Variants in SPPL2B observed in about 807,000 individuals in gnomAD.
SPPL2B encodes signal peptide peptidase-like 2B.
Under a neutral mutation model 59.7 loss-of-function variants are expected in SPPL2B, and 39 were observed. The observed-to-expected ratio is 0.65, with a 90% CI of 0.51 to 0.85. The LOEUF is 0.85. Ranked by LOEUF, SPPL2B falls within the 40% of genes least tolerant of loss-of-function variation. The pLI is 0.00. For synonymous variants in SPPL2B, 419 were observed against 370.8 expected (o/e 1.13, Z -1.49); for missense variants, 865 against 849.0 (o/e 1.02, Z -0.23).
At chr19:2,331,094 C>T (rs1443412717) in intron 1 of SPPL2B, among the ~76,000 whole-genome samples, 3 of 152,176 alleles carry the variant, frequency 2.0e-5, no homozygotes, top group Admixed American at 2.0e-4. Flanking sequence ...GTCGACCTCC[C>T]CAGTGAGACA....
intron 6 of SPPL2B, 25 bp from the exon 7 acceptor site, chr19:2,340,051 C>T (rs1609753): frequency 0.24 from 373,547 of 1,575,462 alleles, 50,791 homozygotes; most frequent in East Asian, 0.64. Flanking sequence ...GCCTGGCCCC[C>T]GGCCTCACGG....
In SPPL2B at chr19:2,352,805, C is replaced by G. The variant is rs1263738372; in HGVS notation, c.1516-141C>G. On this transcript the variant is annotated intron_variant, in intron 14 of 14. Transcript: ENST00000613503. ...CCGTAGGTTATGGAGCCGGCCCCCT[C>G]CTTGGGTCCAGAGCCCCTGGGGATG... The G allele has an allele frequency of 1.6e-5, 15 of 929,336 alleles. No homozygotes were observed. The African/African-American group carries it at 2.5e-4, about 16-fold the overall frequency. The allele number at this position is 929,336 out of a possible 1,614,324, so 57.6% of individuals were successfully genotyped here.
intron 11 of SPPL2B, 58 bp downstream of exon 11, chr19:2,344,482 G>A (rs1244482902): frequency 4.5e-6 from 7 of 1,568,378 alleles, no homozygotes; most frequent in African/African-American, 4.1e-5. Flanking sequence ...TGCGCGGAGC[G>A]GATAGGGCTC....
chr19:2,338,938 C>A, intron 4 of SPPL2B, 97 bp downstream of exon 4: 1 of 1,502,050 alleles, frequency 6.7e-7, no homozygotes, highest in South Asian at 1.2e-5. Context: ...TTGGTGGGAT[C>A]AGGGTGGTGG....
At chr19:2,347,252 T>C (rs1317238078) in intron 13 of SPPL2B, among the ~76,000 whole-genome samples, 1 of 112,836 alleles carries the variant, frequency 8.9e-6, no homozygotes, top group Non-Finnish European at 1.8e-5. Context: ...CTTGATGCCG[T>C]TCTCTCTCCA....
At chr19:2,335,752 C>T (rs1968563534) in intron 2 of SPPL2B, among the ~76,000 whole-genome samples, 1 of 151,814 alleles carries the variant, frequency 6.6e-6, no homozygotes, top group South Asian at 2.1e-4. Flanking sequence ...CCCACTGAGT[C>T]CCTCAGGCCC....
intron 13 of SPPL2B, among the ~76,000 whole-genome samples, chr19:2,348,799 T>C (rs1353569299): frequency 9.8e-6 from 1 of 102,430 alleles, no homozygotes; most frequent in African/African-American, 3.9e-5. Context: ...GTTCTCTCCC[T>C]CCACACACAC....
At chr19:2,347,710 T>C (rs796201169) in intron 13 of SPPL2B, among the ~76,000 whole-genome samples, 3 of 3,934 alleles carry the variant, frequency 7.6e-4, no homozygotes, top group African/African-American at 2.0e-3. Context: ...TCCGTTCTCC[T>C]TCTCTCCACA....
intron 8 of SPPL2B, chr19:2,341,339 G>C: frequency 5.5e-6 from 3 of 543,586 alleles, no homozygotes; most frequent in Non-Finnish European, 1.1e-5. Flanking sequence ...GTCCCCCGCT[G>C]TCCCTTTCCT....
rs759431894 is a variant in SPPL2B at position 2,344,007 on chromosome 19, T to A, written c.1081T>A (p.Phe361Ile). The A allele has an allele frequency of 3.8e-5, 59 of 1,548,198 alleles. No homozygotes were observed. Among genetic ancestry groups the A allele is most frequent in the Middle Eastern group, 2.3e-4 (1 of 4,392 alleles). ...LLLVLFLYDI[F>I]FVFITPFLTK... ...GCTGGTGCTGTTCCTCTACGACATCTTCTTCGTGTTCATCACGCCCTTCCT... is the reference window on the plus strand; with the variant it reads ...GCTGGTGCTGTTCCTCTACGACATCATCTTCGTGTTCATCACGCCCTTCCT... Residue 361 changes from phenylalanine to isoleucine, a missense_variant, in exon 10 of 15, where the codon TTC becomes ATC. By Grantham distance (21) the Phe-to-Ile change is conservative. Transcript: ENST00000613503.
At chr19:2,337,231 C>T in intron 2 of SPPL2B, 2 of 487,276 alleles carry the variant, frequency 4.1e-6, no homozygotes, top group South Asian at 3.2e-5. Flanking sequence ...GGACTCCGGC[C>T]CCGCTCAGAT....
chr19:2,334,152 G>T (rs1003334470), intron 1 of SPPL2B, among the ~76,000 whole-genome samples: 1 of 152,212 alleles, frequency 6.6e-6, no homozygotes, highest in Admixed American at 6.5e-5. Flanking sequence ...CCTGAGGGGT[G>T]CAGAGGCTTG....
At chr19:2,345,202 G>C (rs1969296135) in intron 12 of SPPL2B, 51 bp from the exon 13 acceptor site, 2 of 1,550,414 alleles carry the variant, frequency 1.3e-6, no homozygotes, top group Non-Finnish European at 1.8e-6. Flanking sequence ...GGAAGCCCCT[G>C]CTCTGAGGCT....
At position 2,353,217 on chromosome 19, in the gene SPPL2B, GT is replaced by G. The variant is rs937876986; in HGVS notation, c.*9del. The stretch of plus-strand genomic sequence containing the variant: ...CCTGGCGCCTCGGCCTAGGGGAGGG[GT>G]GAGACGCTCGCTGCCGTGCCCGCCA... On this transcript the variant is annotated 3_prime_UTR_variant, in exon 15 of 15. Transcript: ENST00000613503. The G allele has an allele frequency of 1.9e-6, 3 of 1,584,276 alleles. No homozygotes were observed. Among genetic ancestry groups the G allele is most frequent in the Non-Finnish European group, 8.5e-7 (1 of 1,172,202 alleles).
At chr19:2,344,299 A>AC in intron 10 of SPPL2B, 63 bp from the exon 11 acceptor site, 1 of 413,712 alleles carries the variant, frequency 2.4e-6, no homozygotes, top group Admixed American at 4.4e-5. Context: ...TCGCCCCATC[A>AC]CCCCACTCCC....
chr19:2,335,747 T>C (rs1375695746), intron 2 of SPPL2B, among the ~76,000 whole-genome samples: 3 of 150,888 alleles, frequency 2.0e-5, no homozygotes, highest in South Asian at 4.2e-4. Context: ...CCTTTCCCAC[T>C]GAGTCCCTCA....
At chr19:2,350,341 C>T (rs553263727) in intron 13 of SPPL2B, among the ~76,000 whole-genome samples, 128 of 148,228 alleles carry the variant, frequency 8.6e-4, no homozygotes, top group South Asian at 1.1e-3. Context: ...CACACACTCA[C>T]GTGCTCTCAT....
At chr19:2,347,812 A>ACT (rs1178115233) in intron 13 of SPPL2B, among the ~76,000 whole-genome samples, 1 of 59,972 alleles carries the variant, frequency 1.7e-5, no homozygotes, top group East Asian at 3.4e-4. Flanking sequence ...CTCCACACAC[A>ACT]CGCGCTCTCA....
intron 8 of SPPL2B, chr19:2,342,965 G>A: frequency 1.9e-6 from 1 of 539,284 alleles, no homozygotes; most frequent in Non-Finnish European, 3.4e-6. Flanking sequence ...GCCGAGTGGT[G>A]GGCTCCTCTA....
Sources: allele counts gnomAD v4.1 joint callset (sites outside exome capture counted in the v4.1 genomes callset), GRCh38; gene constraint gnomAD v4.1.1; transcripts MANE v1.5; gene names NCBI Gene and HGNC (gene_info 2026-07-23, HGNC 2026-07-21).